Variants in RYR3 observed in about 807,000 individuals in gnomAD.
The protein encoded by RYR3 is ryanodine receptor 3.
A neutral mutation model predicts 584.3 loss-of-function variants in RYR3; 207 were observed. That is an observed-to-expected ratio of 0.35 (90% CI 0.32 to 0.40). The LOEUF is 0.40. Among genes scored for constraint, RYR3 ranks in the 10% least tolerant of loss-of-function variants. The probability of loss-of-function intolerance (pLI) is 1.00; values close to 1 mark genes in which losing one functional copy is unlikely to be tolerated. For synonymous variants in RYR3, 2,416 were observed against 2,248.5 expected (o/e 1.07, Z -2.11); for missense variants, 5,616 against 6,089.2 (o/e 0.92, Z 2.59).
chr15:33,835,537 T>G (rs1405040191), intron 87 of RYR3, among the ~76,000 whole-genome samples: 1 of 152,158 alleles, frequency 6.6e-6, no homozygotes, highest in Non-Finnish European at 1.5e-5. Context: ...GCAAGATGAA[T>G]CAGAACCGCT....
At chr15:33,502,982 C>T (rs758865569) in intron 2 of RYR3, among the ~76,000 whole-genome samples, 3 of 152,194 alleles carry the variant, frequency 2.0e-5, no homozygotes, top group Non-Finnish European at 1.5e-5. Flanking sequence ...AGAAGGCTAT[C>T]TTTAACTGTT....
chr15:33,527,472 C>T (rs2054489902), intron 3 of RYR3, among the ~76,000 whole-genome samples: 1 of 151,330 alleles, frequency 6.6e-6, no homozygotes, highest in Admixed American at 6.6e-5. Context: ...CTCAACTACT[C>T]AGGAGGGAGG....
chr15:33,644,246 G>C, intron 27 of RYR3, 65 bp from the exon 28 acceptor site: 4 of 1,300,742 alleles, frequency 3.1e-6, no homozygotes, highest in Non-Finnish European at 4.3e-6. Flanking sequence ...CAAAGATTCA[G>C]CTGCCTCGGA....
chr15:33,813,183 C>T (rs2076637623), intron 73 of RYR3, among the ~76,000 whole-genome samples, 189 bp downstream of exon 73: 1 of 152,178 alleles, frequency 6.6e-6, no homozygotes, highest in Non-Finnish European at 1.5e-5. Context: ...CATTATTTCC[C>T]CTGCCAGTGT....
intron 1 of RYR3, among the ~76,000 whole-genome samples, chr15:33,453,941 T>C (rs569890291): frequency 6.6e-6 from 1 of 152,298 alleles, no homozygotes; most frequent in African/African-American, 2.4e-5. Context: ...GGGTAAATGA[T>C]TGACTTGTTT....
At chr15:33,818,469 A>T in intron 75 of RYR3, 109 bp from the exon 76 acceptor site, 1 of 733,866 alleles carries the variant, frequency 1.4e-6, no homozygotes, top group Non-Finnish European at 2.3e-6. Context: ...TTTGTGCTTT[A>T]GTCTGATGCA....
At chr15:33,325,725 T>TCTTCCTTCCTTCCTTCCTTC (rs67855881) in intron 1 of RYR3, among the ~76,000 whole-genome samples, 1 of 91,492 alleles carries the variant, frequency 1.1e-5, no homozygotes. Flanking sequence ...CCCCTCCCCC[T>TCTTCCTTCCTTCCTTCCTTC]CTTCCTTCCT....
chr15:33,409,283 A>G (rs2043230347), intron 1 of RYR3, among the ~76,000 whole-genome samples: 1 of 145,092 alleles, frequency 6.9e-6, no homozygotes, highest in Non-Finnish European at 1.5e-5. Context: ...TGCTGCGTAT[A>G]ATAAATAAAT....
intron 1 of RYR3, among the ~76,000 whole-genome samples, chr15:33,448,599 A>G (rs779996922): frequency 3.3e-5 from 5 of 152,272 alleles, no homozygotes; most frequent in Non-Finnish European, 5.9e-5. Flanking sequence ...GAGTTTCCAC[A>G]GATGGTGACA....
At position 33,586,080 on chromosome 15, in the gene RYR3, C is replaced by T; in HGVS notation, c.1752C>T (p.Ile584=). 6.2e-7 allele frequency: 1 copy of T among 1,613,108 alleles called. No individual in the cohort carries two copies. The highest frequency in any genetic ancestry group is 8.5e-7 in the Non-Finnish European group (1 of 1,179,130). ...NLIAEGHIKS[I]ISLLDKHGRN... ...TAGCGGAGGGCCACATCAAGTCGAT[C>T]ATCTCCCTGTTGGATAAGCACGGGC... Residue 584 remains isoleucine (I), a synonymous_variant, in exon 16 of 104, where the codon ATC becomes ATT. Coordinates refer to ENST00000634891, the MANE Select transcript of RYR3 (RefSeq NM_001036.6).
chr15:33,600,574 T>A (rs2059609388), intron 16 of RYR3, among the ~76,000 whole-genome samples: 1 of 151,976 alleles, frequency 6.6e-6, no homozygotes, highest in Admixed American at 6.6e-5. Flanking sequence ...TGCAGCTGCC[T>A]AGGAAGTGGG....
At chr15:33,779,778 A>G (rs1049092978) in intron 64 of RYR3, among the ~76,000 whole-genome samples, 1 of 152,054 alleles carries the variant, frequency 6.6e-6, no homozygotes, top group Admixed American at 6.5e-5. Flanking sequence ...CGAGGCGGGC[A>G]GATCACAAGG....
intron 89 of RYR3, 71 bp downstream of exon 89, chr15:33,839,029 G>T: frequency 1.3e-6 from 2 of 1,518,462 alleles, no homozygotes; most frequent in Non-Finnish European, 1.8e-6. Flanking sequence ...CTTGTAATCA[G>T]TACTGACACC....
At chr15:33,781,117 C>G (rs1302185744) in intron 65 of RYR3, among the ~76,000 whole-genome samples, 3 of 152,140 alleles carry the variant, frequency 2.0e-5, no homozygotes, top group Non-Finnish European at 4.4e-5. Flanking sequence ...GTAAAATGAT[C>G]CTGGAACTAA....
chr15:33,347,253 A>T (rs1180848175), intron 1 of RYR3, among the ~76,000 whole-genome samples: 1 of 152,188 alleles, frequency 6.6e-6, no homozygotes, highest in African/African-American at 2.4e-5. Context: ...GTTTAAGGGC[A>T]GAGAATCCGC....
intron 1 of RYR3, among the ~76,000 whole-genome samples, chr15:33,370,287 C>G (rs375580297): frequency 6.6e-6 from 1 of 152,206 alleles, no homozygotes. Context: ...CACTCTGACA[C>G]GGTTTCCACA....
In RYR3 at chr15:33,865,352, T is replaced by C; in HGVS notation, c.*126T>C. The C allele has an allele frequency of 3.0e-6, 2 of 675,450 alleles. No individual in the cohort carries two copies. Among genetic ancestry groups the C allele is most frequent in the East Asian group, 2.8e-5 (1 of 36,214 alleles). 41.8% of individuals were successfully genotyped at this position (675,450 alleles called of 1,614,324 possible). A position where few individuals can be genotyped will look rare whatever the true frequency, so the allele number is the denominator to read the frequency against. Reference sequence around the variant, plus strand: ...TAAATGCCTCCCTTAAAAAAAAAACTGCTGAAAATCTGTGCTATTTTGAAA... The same window carrying C: ...TAAATGCCTCCCTTAAAAAAAAAACCGCTGAAAATCTGTGCTATTTTGAAA... On this transcript the variant is annotated 3_prime_UTR_variant, in exon 104 of 104. Transcript: ENST00000634891.
At chr15:33,453,864 T>C (rs547500272) in intron 1 of RYR3, among the ~76,000 whole-genome samples, 1 of 152,360 alleles carries the variant, frequency 6.6e-6, no homozygotes, top group South Asian at 2.1e-4. Flanking sequence ...CCTTTGACTC[T>C]GTTGGAGAGG....
Position 33,354,945 on chromosome 15 carries a change from A to C in RYR3, c.51+43849A>C, listed in dbSNP as rs148680456. ...ATGCCTGTAATGCTAGCCCTTTGGGAGGCCGAGGCGGGCAGATCACTTGAG... is the reference window on the plus strand; with the variant it reads ...ATGCCTGTAATGCTAGCCCTTTGGGCGGCCGAGGCGGGCAGATCACTTGAG... On this transcript the variant is annotated intron_variant, in intron 1 of 103. Coordinates refer to ENST00000634891, the MANE Select transcript of RYR3 (RefSeq NM_001036.6). 8.0e-3 allele frequency among the ~76,000 whole-genome samples: 1,214 copies of C among 152,222 alleles called. 22 individuals are homozygous for C. The highest frequency in any genetic ancestry group is 0.027 in the African/African-American group (1,141 of 41,528).
Sources: gnomAD v4.1 joint callset for allele counts (sites outside exome capture counted in the v4.1 genomes callset) on GRCh38, gnomAD v4.1.1 for gene constraint, MANE v1.5 for transcripts, NCBI Gene and HGNC (gene_info 2026-07-23, HGNC 2026-07-21) for gene names.